ATP5MF: variants seen among roughly 807,000 people sequenced by gnomAD.
ATP5MF encodes ATP synthase F(0) complex subunit f, mitochondrial.
In ATP5MF, 10 loss-of-function variants were observed where a neutral mutation model predicts 13.8. The observed-to-expected ratio is 0.72, with a 90% CI of 0.45 to 1.23. The LOEUF is 1.23. Ranked by LOEUF, ATP5MF falls within the 50% of genes most tolerant of loss-of-function variation. ATP5MF has a pLI of 0.00. For synonymous variants in ATP5MF, 40 were observed against 45.8 expected, an observed-to-expected ratio of 0.87 and a Z score of 0.51; for missense variants, 122 against 118.2, an observed-to-expected ratio of 1.03 and a Z score of -0.15.
At position 99,458,825 on chromosome 7, in the gene ATP5MF, T is replaced by C. The variant is rs982717500; in HGVS notation, c.256+322A>G. The C allele has an allele frequency of 5.9e-6, 2 of 338,614 alleles. 1 individual carries two copies. The highest frequency in any genetic ancestry group is 4.3e-5 in the African/African-American group (2 of 47,058). 21.0% of individuals were successfully genotyped at this position (338,614 alleles called of 1,614,324 possible). A position where few individuals can be genotyped will look rare whatever the true frequency, so the allele number is the denominator to read the frequency against. On this transcript the variant is annotated intron_variant, in intron 3 of 3. Coordinates refer to ENST00000292475, the MANE Select transcript of ATP5MF (RefSeq NM_004889.5). ...GTACCAGATTATCCCACTCAACTCA[T>C]TTCTCTTTCTGCATTGGCTACTAGG...
At chr7:99,465,164 C>G (rs1430386546) in intron 1 of ATP5MF, among the ~76,000 whole-genome samples, 1 of 151,766 alleles carries the variant, frequency 6.6e-6, no homozygotes, top group Non-Finnish European at 1.5e-5. Context: ...GAGGCTGAGG[C>G]TGGAGAATCG....
chr7:99,464,067 C>G (rs899991826), intron 1 of ATP5MF, among the ~76,000 whole-genome samples: 2 of 152,210 alleles, frequency 1.3e-5, no homozygotes, highest in African/African-American at 4.8e-5. Flanking sequence ...TGACATGACC[C>G]TGCCTAAAGG....
intron 1 of ATP5MF, among the ~76,000 whole-genome samples, chr7:99,462,823 T>G (rs929049954): frequency 6.6e-6 from 1 of 152,172 alleles, no homozygotes; most frequent in Non-Finnish European, 1.5e-5. Context: ...AAGGCCTCAG[T>G]CCTTGGTTGC....
chr7:99,461,535 G>C (rs1340995250), intron 1 of ATP5MF, among the ~76,000 whole-genome samples: 5 of 152,102 alleles, frequency 3.3e-5, no homozygotes, highest in African/African-American at 1.2e-4. Context: ...GCTCTGTCAG[G>C]ACCAGCCTCA....
intron 1 of ATP5MF, chr7:99,460,558 C>A (rs1356471673): frequency 3.8e-6 from 2 of 520,354 alleles, no homozygotes; most frequent in Admixed American, 4.0e-5. Flanking sequence ...TCACAACAAG[C>A]ACTTCATGTC....
At chr7:99,460,713 T>C (rs920933157) in intron 1 of ATP5MF, among the ~76,000 whole-genome samples, 1 of 152,094 alleles carries the variant, frequency 6.6e-6, no homozygotes, top group Non-Finnish European at 1.5e-5. Flanking sequence ...TGGGGATGTG[T>C]CGCTGGAGAA....
chr7:99,462,888 A>C (rs892835201), intron 1 of ATP5MF, among the ~76,000 whole-genome samples: 8 of 152,208 alleles, frequency 5.3e-5, no homozygotes, highest in African/African-American at 1.4e-4. Context: ...GCAGCACTGA[A>C]GCTTCCATCT....
chr7:99,459,703 C>CA (rs1161588682), intron 2 of ATP5MF: 1 of 254,078 alleles, frequency 3.9e-6, no homozygotes, highest in Non-Finnish European at 7.6e-6. Context: ...CATAAGCCAC[C>CA]ACACCAGGCC....
At position 99,459,259 on chromosome 7, in the gene ATP5MF, G is replaced by A; in HGVS notation, c.144C>T (p.Tyr48=). ...TGATGTACTTGTTGTAGTACCGGTA[G>A]TAACCTGCAAACGCAAGAGGCGCTC... ...SGIFGAFQRG[Y]YRYYNKYINV... Residue 48 remains tyrosine, a synonymous_variant, in exon 3 of 4, where the codon TAC becomes TAT. Coordinates refer to ENST00000292475, the MANE Select transcript of ATP5MF (RefSeq NM_004889.5). 1.2e-6 allele frequency: 2 copies of A among 1,612,690 alleles called. No homozygotes were observed. The highest frequency in any genetic ancestry group is 1.7e-6 in the Non-Finnish European group (2 of 1,178,654).
intron 2 of ATP5MF, chr7:99,459,861 C>A: frequency 1.9e-6 from 1 of 530,332 alleles, no homozygotes; most frequent in Non-Finnish European, 3.3e-6. Flanking sequence ...ATACTGATTC[C>A]AAGCAACAGG....
intron 1 of ATP5MF, among the ~76,000 whole-genome samples, chr7:99,461,403 G>A (rs1322864239): frequency 6.6e-6 from 1 of 152,020 alleles, no homozygotes; most frequent in Admixed American, 6.6e-5. Flanking sequence ...GCTTTTAGCA[G>A]ATGTCCTATT....
intron 1 of ATP5MF, chr7:99,460,586 G>A (rs536673158): frequency 2.0e-6 from 1 of 499,050 alleles, no homozygotes; most frequent in East Asian, 5.6e-5. Context: ...TAAAGGAGGG[G>A]AGGGGGGATA....
At chr7:99,459,045 G>C in intron 3 of ATP5MF, 102 bp downstream of exon 3, 1 of 819,216 alleles carries the variant, frequency 1.2e-6, no homozygotes, top group African/African-American at 1.7e-5. Context: ...TTTAACTAAA[G>C]GTCCCTCAGC....
chr7:99,460,249 T>C (rs752241591), intron 1 of ATP5MF, 56 bp from the exon 2 acceptor site: 139 of 1,591,792 alleles, frequency 8.7e-5, no homozygotes, highest in Middle Eastern at 1.7e-4. Flanking sequence ...GTAACACATA[T>C]GGCATCCTTT....
rs780122524 is a variant in ATP5MF, at chr7:99,458,274, C to T, written c.*53G>A. 1.3e-5 allele frequency: 20 copies of T among 1,572,120 alleles called. No individual in the cohort carries two copies. The highest frequency in any genetic ancestry group is 9.5e-5 in the African/African-American group (7 of 73,726). On this transcript the variant is annotated 3_prime_UTR_variant, in exon 4 of 4. Coordinates refer to ENST00000292475, the MANE Select transcript of ATP5MF (RefSeq NM_004889.5). ...GCAACGATTGAGATTGTGTTCCTCACGGAGGGGCTCGGGCCAAGGTCGTGG... is the reference window on the plus strand; with the variant it reads ...GCAACGATTGAGATTGTGTTCCTCATGGAGGGGCTCGGGCCAAGGTCGTGG...
intron 3 of ATP5MF, chr7:99,458,909 C>T (rs1177372445): frequency 1.9e-6 from 1 of 516,358 alleles, no homozygotes; most frequent in Non-Finnish European, 3.5e-6. Context: ...TAAGTACTCT[C>T]TTTACCCTGG....
chr7:99,458,678 G>A lies in ATP5MF; in HGVS notation c.257-323C>T, dbSNP rs1284441480. ...CAGAATGGGAGTGAGGTGGGGGTAG[G>A]GGGTGTACACTACACTGTCAGAAAC... On this transcript the variant is annotated intron_variant, in intron 3 of 3. Coordinates refer to ENST00000292475, the MANE Select transcript of ATP5MF (RefSeq NM_004889.5). Among the ~76,000 whole-genome samples the A allele has an allele frequency of 3.3e-5, 5 of 152,198 alleles. No individual in the cohort carries two copies. The East Asian group carries it at 7.7e-4, about 24-fold the overall frequency.
At position 99,459,263 on chromosome 7, in the gene ATP5MF, C is replaced by T. The variant is rs768453005; in HGVS notation, c.140G>A (p.Gly47Asp). The change falls in exon 3 of 4, where the codon GGT becomes GAT. Residue 47 changes from glycine to aspartate, a missense_variant and splice_region_variant. Gly to Asp is a moderately conservative substitution (Grantham distance 94, BLOSUM62 -1). Transcript: ENST00000292475. ...PSGIFGAFQR[G>D]YYRYYNKYIN... ...GTACTTGTTGTAGTACCGGTAGTAA[C>T]CTGCAAACGCAAGAGGCGCTCACTG... The T allele has an allele frequency of 3.4e-5, 54 of 1,610,682 alleles. No homozygotes were observed. The highest frequency in any genetic ancestry group is 4.4e-5 in the Non-Finnish European group (52 of 1,176,966).
intron 1 of ATP5MF, among the ~76,000 whole-genome samples, chr7:99,465,152 C>CGTA (rs1043439238): frequency 6.6e-6 from 1 of 151,306 alleles, no homozygotes; most frequent in African/African-American, 2.4e-5. Flanking sequence ...CCCAGCTACT[C>CGTA]GGAGGCTGAG....
Sources: allele counts gnomAD v4.1 joint callset (sites outside exome capture counted in the v4.1 genomes callset), GRCh38; gene constraint gnomAD v4.1.1; transcripts MANE v1.5; gene names NCBI Gene and HGNC (gene_info 2026-07-23, HGNC 2026-07-21).